The following C1orf56 variants were observed in gnomAD, a reference collection of about 807,000 sequenced individuals.
C1orf56 encodes the protein protein MENT.
A neutral mutation model predicts 20.7 loss-of-function variants in C1orf56; 14 were observed. The observed-to-expected ratio is 0.68, with a 90% CI of 0.45 to 1.06. The LOEUF is 1.06. C1orf56 is among the 50% of genes least tolerant of loss of function. C1orf56 has a pLI of 0.00. For synonymous variants in C1orf56, 187 were observed against 194.7 expected (o/e 0.96, Z 0.33); for missense variants, 424 against 451.4 (o/e 0.94, Z 0.55).
chr1:151,048,586 C>A lies in C1orf56; in HGVS notation c.739C>A (p.Pro247Thr), dbSNP rs1206953752. ...GAGCCAGCTCCGCACGGAGCACAAG[C>A]CTTGCACCTATCAACAATGTCCCTG... is the stretch of plus-strand genomic sequence containing the variant. The part of the protein sequence containing the change: ...ALSQLRTEHK[P>T]CTYQQCPCNR... The change falls in exon 1 of 2, where the codon CCT becomes ACT. Residue 247 changes from proline to threonine, a missense_variant. Physicochemically the swap from Pro to Thr is conservative, Grantham distance 38 (BLOSUM62 -1). Coordinates refer to ENST00000368926, the MANE Select transcript of C1orf56 (RefSeq NM_017860.5). The surrounding 1 kb of genome is among the most constrained non-coding windows in gnomAD (Gnocchi z 4.8). The A allele has an allele frequency of 6.2e-7, 1 of 1,614,238 alleles. No homozygotes were observed.
At position 151,048,825 on chromosome 1, in the gene C1orf56, C is replaced by G. The variant is rs202112151; in HGVS notation, c.978C>G (p.Leu326=). 3 of 1,584,302 alleles carry G rather than the reference C, an allele frequency of 1.9e-6. No homozygotes were observed. Among genetic ancestry groups the G allele is most frequent in the Middle Eastern group, 1.7e-4 (1 of 5,938 alleles). Reference sequence around the variant, plus strand: ...GCCTGGAGGATATTTGGAATAGCCTCTCTTCAGTGTTCACAGAGATGCAAC... The same window carrying G: ...GCCTGGAGGATATTTGGAATAGCCTGTCTTCAGTGTTCACAGAGATGCAAC... ...RIGLEDIWNS[L]SSVFTEMQPI... Residue 326 remains leucine, a synonymous_variant, in exon 1 of 2, where the codon CTC becomes CTG. Transcript: ENST00000368926. The surrounding 1 kb of genome is among the most constrained non-coding windows in gnomAD (Gnocchi z 4.8).
intron 1 of C1orf56, among the ~76,000 whole-genome samples, chr1:151,049,337 G>GA (rs1676128779): frequency 6.7e-6 from 1 of 148,758 alleles, no homozygotes; most frequent in African/African-American, 2.5e-5. Context: ...GGCTGGTCTA[G>GA]AACTCCTGAC....
At position 151,048,506 on chromosome 1, in the gene C1orf56, G is replaced by A; in HGVS notation, c.659G>A (p.Arg220Gln). Residue 220 changes from arginine (R) to glutamine (Q), a missense_variant, in exon 1 of 2, where the codon CGG (arginine) becomes CAG (glutamine). Arg to Gln is a conservative substitution (Grantham distance 43). Coordinates refer to ENST00000368926, the MANE Select transcript of C1orf56 (RefSeq NM_017860.5). The surrounding 1 kb of genome is among the most constrained non-coding windows in gnomAD (Gnocchi z 4.8). The part of the protein sequence containing the change: ...HCHCKSGTMS[R>Q]SRSGKLHGLS... ...CACTGCAAGTCGGGCACCATGAGCC[G>A]GAGCCGGTCTGGGAAGCTGCACGGC... 6.2e-7 allele frequency: 1 copy of A among 1,611,294 alleles called. No individual in the cohort carries two copies. Among genetic ancestry groups the A allele is most frequent in the South Asian group, 1.1e-5 (1 of 91,064 alleles).
intron 1 of C1orf56, chr1:151,049,609 G>A (rs1252446889): frequency 6.6e-6 from 1 of 151,992 alleles, no homozygotes; most frequent in East Asian, 1.9e-4. Flanking sequence ...CTGGAGTGTG[G>A]TGGCGCAGTC....
Position 151,050,524 on chromosome 1 carries a change from C to G in C1orf56, c.*66C>G. On this transcript the variant is annotated 3_prime_UTR_variant, in exon 2 of 2. Coordinates refer to ENST00000368926, the MANE Select transcript of C1orf56 (RefSeq NM_017860.5). The stretch of plus-strand genomic sequence containing the variant: ...CTCTCTTGCCCTTTCAATCCTAGCA[C>G]CCACTAGATATTTTTAGTACAGAAA... 1 of 1,468,238 alleles carries G rather than the reference C, an allele frequency of 6.8e-7. No individual in the cohort carries two copies. Among genetic ancestry groups the G allele is most frequent in the Non-Finnish European group, 9.3e-7 (1 of 1,075,634 alleles). The allele number at this position is 1,468,238 out of a possible 1,614,324, so 91.0% of individuals were successfully genotyped here.
At position 151,048,681 on chromosome 1, in the gene C1orf56, C is replaced by A. The variant is rs778541997; in HGVS notation, c.834C>A (p.Ser278Arg). 1.2e-6 allele frequency: 2 copies of A among 1,612,520 alleles called. No homozygotes were observed. The highest frequency in any genetic ancestry group is 1.7e-6 in the Non-Finnish European group (2 of 1,179,126). Reference sequence around the variant, plus strand: ...CTGACACCAACTGTGCCTCTCAGAGCACCACCAGTACCAGGACCACCACTA... The same window carrying A: ...CTGACACCAACTGTGCCTCTCAGAGAACCACCAGTACCAGGACCACCACTA... ...LCTDTNCASQ[S>R]TTSTRTTTTP... The change falls in exon 1 of 2, where the codon AGC (serine) becomes AGA (arginine). Residue 278 changes from serine (S) to arginine (R), a missense_variant. Ser to Arg is a moderately radical substitution (Grantham distance 110). Coordinates refer to ENST00000368926, the MANE Select transcript of C1orf56 (RefSeq NM_017860.5). This position sits in a 1 kb window ranked among gnomAD's most constrained non-coding sequence, Gnocchi z 4.8.
Position 151,048,737 on chromosome 1 carries a change from GT to G in C1orf56, c.891del (p.Ser299AlafsTer38), listed in dbSNP as rs748203948. ...TTCCCCACCATCCACCTCAGAAGCA[GT>G]CCCAGCCTGCCACCCGCCAGCCCCT... Reference protein sequence around the residue: ...TPFPTIHLRSSPSLPPASPCP... With the variant: ...TPFPTIHLRSXPSLPPASPCP... On this transcript the variant is annotated frameshift_variant, in exon 1 of 2. Coordinates refer to ENST00000368926, the MANE Select transcript of C1orf56 (RefSeq NM_017860.5). LOFTEE classifies it high-confidence loss of function. The surrounding 1 kb of genome is among the most constrained non-coding windows in gnomAD (Gnocchi z 4.8). 6.2e-7 allele frequency: 1 copy of G among 1,613,654 alleles called. No individual in the cohort carries two copies. The highest frequency in any genetic ancestry group is 8.5e-7 in the Non-Finnish European group (1 of 1,179,788).
In C1orf56 at chr1:151,048,673, T is replaced by C. The variant is rs1367787972; in HGVS notation, c.826T>C (p.Ser276Pro). Reference protein sequence around the residue: ...TSLCTDTNCASQSTTSTRTTT... With the variant: ...TSLCTDTNCAPQSTTSTRTTT... The stretch of plus-strand genomic sequence containing the variant: ...TCTCTGTACTGACACCAACTGTGCC[T>C]CTCAGAGCACCACCAGTACCAGGAC... Residue 276 changes from serine (S) to proline (P), a missense_variant, in exon 1 of 2, where the codon TCT (serine) becomes CCT (proline). Coordinates refer to ENST00000368926, the MANE Select transcript of C1orf56 (RefSeq NM_017860.5). The surrounding 1 kb of genome is among the most constrained non-coding windows in gnomAD (Gnocchi z 4.8). 1 of 1,612,862 alleles carries C rather than the reference T, an allele frequency of 6.2e-7. No homozygotes were observed. Among genetic ancestry groups the C allele is most frequent in the Non-Finnish European group, 8.5e-7 (1 of 1,179,406 alleles).
At chr1:151,050,374 G>C in intron 1 of C1orf56, 64 bp from the exon 2 acceptor site, 1 of 1,517,268 alleles carries the variant, frequency 6.6e-7, no homozygotes, top group Non-Finnish European at 9.0e-7. Context: ...ATGAAGCAAG[G>C]AAGGGAAAAG....
At position 151,048,130 on chromosome 1, in the gene C1orf56, A is replaced by C; in HGVS notation, c.283A>C (p.Ser95Arg). The C allele has an allele frequency of 6.2e-7, 1 of 1,613,564 alleles. No homozygotes were observed. The highest frequency in any genetic ancestry group is 8.5e-7 in the Non-Finnish European group (1 of 1,180,012). The change falls in exon 1 of 2, where the codon AGC (serine) becomes CGC (arginine). Residue 95 changes from serine (S) to arginine (R), a missense_variant. Ser to Arg is a moderately radical substitution (Grantham distance 110). Transcript: ENST00000368926. This position sits in a 1 kb window ranked among gnomAD's most constrained non-coding sequence, Gnocchi z 4.8. ...LLAATVSTGFSRSSAINEEDG... is the reference protein window; with the variant it reads ...LLAATVSTGFRRSSAINEEDG... Reference sequence around the variant, plus strand: ...GGCCGCCACGGTGTCCACCGGCTTTAGCCGGTCGTCCGCCATTAACGAGGA... The same window carrying C: ...GGCCGCCACGGTGTCCACCGGCTTTCGCCGGTCGTCCGCCATTAACGAGGA...
chr1:151,047,862 C>T lies in C1orf56; in HGVS notation c.15C>T (p.Ala5=), dbSNP rs1049615711. The T allele has an allele frequency of 8.2e-6, 13 of 1,581,836 alleles. No homozygotes were observed. Among genetic ancestry groups the T allele is most frequent in the Non-Finnish European group, 1.0e-5 (12 of 1,165,736 alleles). MVPA[A]GALLWVLLLN... The stretch of plus-strand genomic sequence containing the variant: ...AGCCCAGCCCCATGGTCCCCGCCGC[C>T]GGCGCGCTGCTGTGGGTCCTGCTGC... The change falls in exon 1 of 2, where the codon GCC becomes GCT. Residue 5 remains alanine, a synonymous_variant. Coordinates refer to ENST00000368926, the MANE Select transcript of C1orf56 (RefSeq NM_017860.5).
At position 151,047,909 on chromosome 1, in the gene C1orf56, C is replaced by T; in HGVS notation, c.62C>T (p.Ala21Val). ...VLLLNLGPRA[A>V]GAQGLTQTPT... ...CTGCTGAATCTGGGTCCCCGGGCGGCGGGGGCCCAAGGCCTGACCCAGACT... is the reference window on the plus strand; with the variant it reads ...CTGCTGAATCTGGGTCCCCGGGCGGTGGGGGCCCAAGGCCTGACCCAGACT... The change falls in exon 1 of 2, where the codon GCG becomes GTG. Residue 21 changes from alanine (A) to valine (V), a missense_variant. Physicochemically the swap from Ala to Val is moderately conservative, Grantham distance 64 (BLOSUM62 0). Transcript: ENST00000368926. 1.9e-6 allele frequency: 3 copies of T among 1,608,976 alleles called. No individual in the cohort carries two copies. The highest frequency in any genetic ancestry group is 2.2e-5 in the East Asian group (1 of 44,796).
chr1:151,051,393 G>GGAA lies in C1orf56; in HGVS notation c.*935_*936insGAA, dbSNP rs1676176562. 6 of 34,098 alleles carry GGAA rather than the reference G, an allele frequency of 1.8e-4. No homozygotes were observed. Among genetic ancestry groups the GGAA allele is most frequent in the Admixed American group, 5.6e-4 (1 of 1,794 alleles). The allele number at this position is 34,098 out of a possible 1,614,324, so 2.1% of individuals were successfully genotyped here. A position where few individuals can be genotyped will look rare whatever the true frequency, so the allele number is the denominator to read the frequency against. The stretch of plus-strand genomic sequence containing the variant: ...AATGGCAGAAAATACATGGAAATTT[G>GGAA]AAAAAAAAAAAAAAAAAAAAAAAAA... On this transcript the variant is annotated 3_prime_UTR_variant, in exon 2 of 2. Coordinates refer to ENST00000368926, the MANE Select transcript of C1orf56 (RefSeq NM_017860.5).
Position 151,048,579 on chromosome 1 carries a change from G to A in C1orf56, c.732G>A (p.Glu244=), listed in dbSNP as rs139167634. 4.8e-5 allele frequency: 78 copies of A among 1,614,126 alleles called. No homozygotes were observed. The African/African-American group carries it at 1.0e-3, about 21-fold the overall frequency. Residue 244 remains glutamate (E), a synonymous_variant, in exon 1 of 2, where the codon GAG becomes GAA. Transcript: ENST00000368926. This position sits in a 1 kb window ranked among gnomAD's most constrained non-coding sequence, Gnocchi z 4.8. ...GGGCGCTGAGCCAGCTCCGCACGGA[G>A]CACAAGCCTTGCACCTATCAACAAT... ...RVGALSQLRT[E]HKPCTYQQCP... is the part of the protein sequence containing the mutation.
chr1:151,049,680 A>C (rs1330059567), intron 1 of C1orf56: 1 of 151,658 alleles, frequency 6.6e-6, no homozygotes, highest in Non-Finnish European at 1.5e-5. Context: ...AGCCTGCTGA[A>C]TAGCTGGGAC....
rs372054873 is a variant in C1orf56, at chr1:151,048,020, G to A, written c.173G>A (p.Arg58Gln). ...YRSTARTGLP[R>Q]KTRIILEDEN... Reference sequence around the variant, plus strand: ...AGCACCGCCCGGACTGGTCTTCCCCGGAAGACAAGGATAATCCTAGAGGAC... The same window carrying A: ...AGCACCGCCCGGACTGGTCTTCCCCAGAAGACAAGGATAATCCTAGAGGAC... The change falls in exon 1 of 2, where the codon CGG (arginine) becomes CAG (glutamine). Residue 58 changes from arginine to glutamine, a missense_variant. By Grantham distance (43) the Arg-to-Gln change is conservative. Coordinates refer to ENST00000368926, the MANE Select transcript of C1orf56 (RefSeq NM_017860.5). This position sits in a 1 kb window ranked among gnomAD's most constrained non-coding sequence, Gnocchi z 4.8. 3.1e-6 allele frequency: 5 copies of A among 1,613,936 alleles called. No homozygotes were observed. The Admixed American group carries it at 5.0e-5, about 16-fold the overall frequency.
chr1:151,050,419 A>ATT lies in C1orf56; in HGVS notation c.1006-11_1006-10dup. On this transcript the variant is annotated intron_variant, in intron 1 of 1. Transcript: ENST00000368926. ...GTGGTTGTAATTTCCCTTTTTCTCTATTTTTTTTTCTTACGCAGATAGACA... is the reference window on the plus strand; with the variant it reads ...GTGGTTGTAATTTCCCTTTTTCTCTATTTTTTTTTTTCTTACGCAGATAGACA... 1.9e-6 allele frequency: 3 copies of ATT among 1,565,798 alleles called. No homozygotes were observed. Among genetic ancestry groups the ATT allele is most frequent in the East Asian group, 2.3e-5 (1 of 43,700 alleles).
In C1orf56 at chr1:151,051,041, A is replaced by G. The variant is rs1676166377; in HGVS notation, c.*583A>G. The G allele has an allele frequency of 6.6e-6, 1 of 152,304 alleles. No homozygotes were observed. Among genetic ancestry groups the G allele is most frequent in the Admixed American group, 6.5e-5 (1 of 15,288 alleles). 9.4% of individuals were successfully genotyped at this position (152,304 alleles called of 1,614,324 possible). A position where few individuals can be genotyped will look rare whatever the true frequency, so the allele number is the denominator to read the frequency against. On this transcript the variant is annotated 3_prime_UTR_variant, in exon 2 of 2. Coordinates refer to ENST00000368926, the MANE Select transcript of C1orf56 (RefSeq NM_017860.5). ...TTTAAAAGTCCAACAACTTTTTAAT[A>G]TAAATTACGACTCTCAAACCCATTC...
Position 151,048,330 on chromosome 1 carries a change from T to C in C1orf56, c.483T>C (p.Ser161=), listed in dbSNP as rs112832558. 6 of 1,614,104 alleles carry C rather than the reference T, an allele frequency of 3.7e-6. No homozygotes were observed. The highest frequency in any genetic ancestry group is 1.3e-5 in the African/African-American group (1 of 75,068). ...GCCTGCCGCGCTCCCCCGGGAGGTC[T>C]ACTGAGGACCTGCCAGGCTCGCAGG... ...TSSLPRSPGR[S]TEDLPGSQAT... is the part of the protein sequence containing the mutation. Residue 161 remains serine (S), a synonymous_variant, in exon 1 of 2, where the codon TCT becomes TCC. Coordinates refer to ENST00000368926, the MANE Select transcript of C1orf56 (RefSeq NM_017860.5). This position sits in a 1 kb window ranked among gnomAD's most constrained non-coding sequence, Gnocchi z 4.8.
Sources: gnomAD v4.1 joint callset for allele counts (sites outside exome capture counted in the v4.1 genomes callset) on GRCh38, gnomAD v4.1.1 for gene constraint, Gnocchi (gnomAD v3.1) non-coding constraint, MANE v1.5 for transcripts, NCBI Gene and HGNC (gene_info 2026-07-23, HGNC 2026-07-21) for gene names.